The following XKR9 variants were observed in gnomAD, a reference collection of about 807,000 sequenced individuals.
XKR9 encodes the protein XK related 9, also known as XK-related protein 9.
In XKR9, 32 loss-of-function variants were observed where a neutral mutation model predicts 32.0. The ratio of observed to expected loss-of-function variants is 1.00; its 90% CI spans 0.76 to 1.34. The LOEUF is 1.34. Among genes scored for constraint, XKR9 ranks in the 40% most tolerant of loss-of-function variants. The probability of loss-of-function intolerance (pLI) is 0.00; values close to 1 mark genes in which losing one functional copy is unlikely to be tolerated. For missense variants in XKR9, 546 were observed against 429.7 expected, an observed-to-expected ratio of 1.27 and a Z score of -2.39; for synonymous variants, 168 against 143.4, an observed-to-expected ratio of 1.17 and a Z score of -1.22.
At chr8:70,920,209 T>G in the XKR9 span, among the ~76,000 whole-genome samples, 7 of 152,182 alleles carry the variant, frequency 4.6e-5, no homozygotes, top group Non-Finnish European at 1.0e-4. Flanking sequence ...CCTATATACT[T>G]TTAGGAATAC....
chr8:70,687,301 TTCTC>T (rs1273047763), intron 3 of XKR9, among the ~76,000 whole-genome samples: 2 of 151,086 alleles, frequency 1.3e-5, no homozygotes, highest in African/African-American at 4.9e-5. Context: ...CAGGATTTCT[TTCTC>T]TCCTCCCTCT....
chr8:70,906,778 G>A, the XKR9 span, among the ~76,000 whole-genome samples: 2 of 151,902 alleles, frequency 1.3e-5, no homozygotes, highest in Non-Finnish European at 2.9e-5. Context: ...TTTAATATTG[G>A]CATCTATGTA....
At chr8:71,060,404 G>A in the XKR9 span, among the ~76,000 whole-genome samples, 1 of 152,150 alleles carries the variant, frequency 6.6e-6, no homozygotes, top group Non-Finnish European at 1.5e-5. Context: ...TCCAGGTGCG[G>A]GTGTCCTCAT....
the XKR9 span, among the ~76,000 whole-genome samples, chr8:70,836,125 T>C: frequency 6.6e-6 from 1 of 152,108 alleles, no homozygotes; most frequent in African/African-American, 2.4e-5. Context: ...GTGCATTTGA[T>C]GTCTGAATTG....
the XKR9 span, among the ~76,000 whole-genome samples, chr8:70,814,822 T>C: frequency 6.6e-6 from 1 of 152,192 alleles, no homozygotes; most frequent in Non-Finnish European, 1.5e-5. Flanking sequence ...TCTTCACTGA[T>C]GGTACAATCT....
the XKR9 span, among the ~76,000 whole-genome samples, chr8:71,056,900 G>C: frequency 1.3e-5 from 2 of 152,268 alleles, no homozygotes; most frequent in East Asian, 3.9e-4. Context: ...TTATGCATTT[G>C]ACTTTAATAA....
chr8:70,992,207 A>G, the XKR9 span, among the ~76,000 whole-genome samples: 7 of 152,224 alleles, frequency 4.6e-5, no homozygotes, highest in African/African-American at 1.2e-4. Flanking sequence ...TGTATTCCAC[A>G]TACCTTCCTT....
At chr8:70,942,568 C>G in the XKR9 span, among the ~76,000 whole-genome samples, 1 of 152,122 alleles carries the variant, frequency 6.6e-6, no homozygotes, top group Non-Finnish European at 1.5e-5. Context: ...TAAAAGCCTT[C>G]CTCACCACAG....
At chr8:70,685,408 A>G (rs548922694) in intron 3 of XKR9, among the ~76,000 whole-genome samples, 2 of 139,354 alleles carry the variant, frequency 1.4e-5, no homozygotes, top group African/African-American at 2.6e-5. Flanking sequence ...TGACGAGTTA[A>G]TGCATGCAGC....
chr8:70,878,340 A>G, the XKR9 span, among the ~76,000 whole-genome samples: 1 of 152,306 alleles, frequency 6.6e-6, no homozygotes, highest in East Asian at 1.9e-4. Flanking sequence ...TGAATGCCCC[A>G]ATTAAAAGAC....
At chr8:70,707,588 C>T (rs1805765216) in intron 4 of XKR9, among the ~76,000 whole-genome samples, 1 of 144,004 alleles carries the variant, frequency 6.9e-6, no homozygotes, top group Non-Finnish European at 1.6e-5. Context: ...TTAACAAACT[C>T]CCTATTTATG....
intron 4 of XKR9, among the ~76,000 whole-genome samples, chr8:70,709,898 G>A (rs1379193505): frequency 6.6e-6 from 1 of 152,050 alleles, no homozygotes; most frequent in Non-Finnish European, 1.5e-5. Flanking sequence ...CAGATTCAGT[G>A]CTGTTCCTAT....
At chr8:70,939,642 T>C in the XKR9 span, among the ~76,000 whole-genome samples, 48,273 of 151,900 alleles carry the variant, frequency 0.32, 8,993 homozygotes, top group Non-Finnish European at 0.43. Flanking sequence ...GGGGATGCCA[T>C]AGTCTCAGTC....
downstream of XKR9, chr8:70,736,053 T>C (rs1220879484): frequency 6.6e-6 from 1 of 152,222 alleles, no homozygotes; most frequent in Non-Finnish European, 1.5e-5. Context: ...ACTTCCACAA[T>C]AGTTGAACGA....
chr8:70,773,138 C>G (rs1254677398), intron 2 of XKR9, among the ~76,000 whole-genome samples: 4 of 152,116 alleles, frequency 2.6e-5, no homozygotes, highest in Non-Finnish European at 4.4e-5. Flanking sequence ...TCAGGAAAGC[C>G]AGTGCATTCT....
chr8:71,047,972 A>T, the XKR9 span, among the ~76,000 whole-genome samples: 1 of 152,264 alleles, frequency 6.6e-6, no homozygotes, highest in Admixed American at 6.5e-5. Context: ...TGTATAAATT[A>T]AATCCAAGTT....
intron 4 of XKR9, among the ~76,000 whole-genome samples, chr8:70,710,858 G>A (rs1043217488): frequency 1.3e-5 from 2 of 152,100 alleles, no homozygotes; most frequent in African/African-American, 4.8e-5. Context: ...CTACAGAATG[G>A]GAGAAAATAT....
At chr8:70,882,644 G>A in the XKR9 span, among the ~76,000 whole-genome samples, 2 of 151,966 alleles carry the variant, frequency 1.3e-5, no homozygotes, top group African/African-American at 4.8e-5. Flanking sequence ...CTGCGTAGAA[G>A]GTACAGAATT....
At chr8:70,864,875 C>T in the XKR9 span, among the ~76,000 whole-genome samples, 6 of 151,982 alleles carry the variant, frequency 3.9e-5, no homozygotes, top group Non-Finnish European at 8.8e-5. Flanking sequence ...AAAGTTTTAA[C>T]CCCAGCACCA....
Sources: gnomAD v4.1 joint callset for allele counts (sites outside exome capture counted in the v4.1 genomes callset) on GRCh38, gnomAD v4.1.1 for gene constraint, MANE v1.5 for transcripts, NCBI Gene and HGNC (gene_info 2026-07-23, HGNC 2026-07-21) for gene names.